The following DIO2 variants were observed in gnomAD, a reference collection of about 807,000 sequenced individuals.
DIO2 encodes type II iodothyronine deiodinase.
Under a neutral mutation model 21.4 loss-of-function variants are expected in DIO2, and 19 were observed. The ratio of observed to expected loss-of-function variants is 0.89; its 90% confidence interval spans 0.62 to 1.30. DIO2 has a LOEUF of 1.30. Ranked by LOEUF, DIO2 falls within the 50% of genes most tolerant of loss-of-function variation. DIO2 has a pLI of 0.00. For missense variants in DIO2, 302 were observed against 338.1 expected, an observed-to-expected ratio of 0.89 and a Z score of 0.84; for synonymous variants, 122 against 132.9, an observed-to-expected ratio of 0.92 and a Z score of 0.57.
chr14:80,217,697 G>A (rs1050894355), intron 2 of DIO2, among the ~76,000 whole-genome samples: 1 of 152,054 alleles, frequency 6.6e-6, no homozygotes, highest in Non-Finnish European at 1.5e-5. Flanking sequence ...CTATGTCAGG[G>A]GAATTTTCTG....
At chr14:80,231,042 G>C (rs1008345299) in intron 2 of DIO2, 1 of 152,166 alleles carries the variant, frequency 6.6e-6, no homozygotes, top group East Asian at 1.9e-4. Context: ...AGGCTGGGAG[G>C]CTAGACCAGT....
chr14:80,228,084 C>T (rs1888611491), intron 2 of DIO2, among the ~76,000 whole-genome samples: 1 of 152,232 alleles, frequency 6.6e-6, no homozygotes, highest in Non-Finnish European at 1.5e-5. Context: ...TTCTTGCTCA[C>T]TGGATCCAAT....
At chr14:80,224,677 G>C (rs1888536345) in intron 2 of DIO2, among the ~76,000 whole-genome samples, 1 of 152,098 alleles carries the variant, frequency 6.6e-6, no homozygotes, top group South Asian at 2.1e-4. Context: ...TTGATAATCT[G>C]TTATAGCAGC....
At chr14:80,223,940 C>T (rs1419182387) in intron 2 of DIO2, among the ~76,000 whole-genome samples, 1 of 152,246 alleles carries the variant, frequency 6.6e-6, no homozygotes, top group East Asian at 1.9e-4. Flanking sequence ...AAGGAAATAC[C>T]GATTATATCA....
In DIO2 at chr14:80,211,443, G is replaced by T; in HGVS notation, c.30C>A (p.Ile10=). Residue 10 remains isoleucine (I), a synonymous_variant, in exon 1 of 2, where the codon ATC becomes ATA. Coordinates refer to ENST00000438257, the MANE Select transcript of DIO2 (RefSeq NM_013989.5). ...AAAAAACTGGCAGAATTTGCAGTGT[G>T]ATCAGCAAGTCTACGCTGAGGATGC... MGILSVDLL[I]TLQILPVFFS... The T allele has an allele frequency of 6.2e-7, 1 of 1,611,738 alleles. No homozygotes were observed. The highest frequency in any genetic ancestry group is 8.5e-7 in the Non-Finnish European group (1 of 1,179,168).
chr14:80,205,226 G>T (rs1887901762), intron 1 of DIO2, among the ~76,000 whole-genome samples: 1 of 151,996 alleles, frequency 6.6e-6, no homozygotes, highest in African/African-American at 2.4e-5. Flanking sequence ...TAGGTAGTGG[G>T]TAGCAGTCTC....
Position 80,200,629 on chromosome 14 carries a change from A to G in DIO2, c.*2060T>C, listed in dbSNP as rs1036938916. The G allele has an allele frequency of 1.3e-5, 2 of 152,200 alleles. No homozygotes were observed. The highest frequency in any genetic ancestry group is 4.8e-5 in the African/African-American group (2 of 41,448). The allele number at this position is 152,200 out of a possible 1,614,324, so 9.4% of individuals were successfully genotyped here. A position where few individuals can be genotyped will look rare whatever the true frequency, so the allele number is the denominator to read the frequency against. Reference sequence around the variant, plus strand: ...GAATGTAGAAGTTAACAACTGAGGAATCTGAAATAATTATTCTCAATATGA... The same window carrying G: ...GAATGTAGAAGTTAACAACTGAGGAGTCTGAAATAATTATTCTCAATATGA... On this transcript the variant is annotated 3_prime_UTR_variant, in exon 2 of 2. Coordinates refer to ENST00000438257, the MANE Select transcript of DIO2 (RefSeq NM_013989.5).
chr14:80,208,295 C>T (rs945195625), intron 1 of DIO2, among the ~76,000 whole-genome samples: 20 of 152,156 alleles, frequency 1.3e-4, no homozygotes, highest in Non-Finnish European at 1.0e-4. Context: ...CAGAATCCAT[C>T]TCTTACTAAA....
intron 2 of DIO2, among the ~76,000 whole-genome samples, chr14:80,228,512 T>A (rs1888622938): frequency 6.6e-6 from 1 of 152,190 alleles, no homozygotes; most frequent in Non-Finnish European, 1.5e-5. Context: ...CCCCTGCATC[T>A]TTCAAGCCCT....
rs1214496624 is a variant in DIO2 at position 80,200,228 on chromosome 14, C to T, written c.*2461G>A. The T allele has an allele frequency of 6.6e-6, 1 of 152,606 alleles. No individual in the cohort carries two copies. The highest frequency in any genetic ancestry group is 1.5e-5 in the Non-Finnish European group (1 of 68,044). The allele number at this position is 152,606 out of a possible 1,614,324, so 9.5% of individuals were successfully genotyped here. A position where few individuals can be genotyped will look rare whatever the true frequency, so the allele number is the denominator to read the frequency against. ...TTTCTTCCAGAAATTCTTGCATGTT[C>T]TATTGAACATCTTCCTCCCTGATAG... On this transcript the variant is annotated 3_prime_UTR_variant, in exon 2 of 2. Transcript: ENST00000438257.
chr14:80,215,412 G>A (rs1019138006), upstream of DIO2, among the ~76,000 whole-genome samples: 1 of 152,104 alleles, frequency 6.6e-6, no homozygotes, highest in Admixed American at 6.6e-5. Flanking sequence ...AGAAAATAAA[G>A]TTGGATAATC....
chr14:80,214,808 C>T (rs1888313522), upstream of DIO2, among the ~76,000 whole-genome samples: 1 of 152,180 alleles, frequency 6.6e-6, no homozygotes, highest in South Asian at 2.1e-4. Context: ...CAGAGTATGA[C>T]TTTTCCCATC....
At chr14:80,215,022 A>C (rs1002276605), upstream of DIO2, among the ~76,000 whole-genome samples, 1 of 152,206 alleles carries the variant, frequency 6.6e-6, no homozygotes, top group Non-Finnish European at 1.5e-5. Context: ...AGGACTTCAC[A>C]TCTGTTTAAG....
chr14:80,202,777 C>A lies in DIO2; in HGVS notation c.734G>T (p.Gly245Val). The A allele has an allele frequency of 6.2e-7, 1 of 1,613,942 alleles. No homozygotes were observed. The highest frequency in any genetic ancestry group is 8.5e-7 in the Non-Finnish European group (1 of 1,179,874). The change falls in exon 2 of 2, where the codon GGC becomes GTC. Residue 245 changes from glycine (G) to valine (V), a missense_variant. Coordinates refer to ENST00000438257, the MANE Select transcript of DIO2 (RefSeq NM_013989.5). ...TTCTTGAAGGTTGTAGGAGAAGGGG[C>A]CCTTTCCTCCCAGATAAGCAATTTT... ...RQKIAYLGGK[G>V]PFSYNLQEVR...
chr14:80,198,447 T>TG lies in DIO2; in HGVS notation c.*4241_*4242insC, dbSNP rs1170577632. On this transcript the variant is annotated 3_prime_UTR_variant, in exon 2 of 2. Coordinates refer to ENST00000438257, the MANE Select transcript of DIO2 (RefSeq NM_013989.5). ...AATGTTTTGCTCATCCTAAAGTCAC[T>TG]CAATGACTTGCAGCAGCCTTCAGCC... is the stretch of plus-strand genomic sequence containing the variant. 5 of 152,656 alleles carry TG rather than the reference T, an allele frequency of 3.3e-5. No homozygotes were observed. Among genetic ancestry groups the TG allele is most frequent in the South Asian group, 2.1e-4 (1 of 4,832 alleles). 9.5% of individuals were successfully genotyped at this position (152,656 alleles called of 1,614,324 possible). A position where few individuals can be genotyped will look rare whatever the true frequency, so the allele number is the denominator to read the frequency against.
At chr14:80,228,043 G>A (rs1053135662) in intron 2 of DIO2, among the ~76,000 whole-genome samples, 4 of 152,212 alleles carry the variant, frequency 2.6e-5, no homozygotes, top group African/African-American at 7.2e-5. Context: ...ACACACAAAT[G>A]TCTCACCAAT....
rs537769245 is a variant in DIO2 at position 80,202,108 on chromosome 14, A to G, written c.*581T>C. 1.8e-4 allele frequency: 55 copies of G among 303,898 alleles called. No individual in the cohort carries two copies. Among genetic ancestry groups the G allele is most frequent in the Non-Finnish European group, 3.2e-4 (49 of 154,910 alleles). The allele number at this position is 303,898 out of a possible 1,614,324, so 18.8% of individuals were successfully genotyped here. A position where few individuals can be genotyped will look rare whatever the true frequency, so the allele number is the denominator to read the frequency against. On this transcript the variant is annotated 3_prime_UTR_variant, in exon 2 of 2. Transcript: ENST00000438257. ...GATCATTCTCGGTATCTACAAATAT[A>G]CCAATAATTTCTGGGGTATGAAGAC...
At chr14:80,219,512 T>C (rs1180352286) in intron 2 of DIO2, 1 of 151,876 alleles carries the variant, frequency 6.6e-6, no homozygotes, top group Admixed American at 6.6e-5. Context: ...GTCATTTTTT[T>C]TTTTTTTTTT....
rs532124990 is a variant in DIO2 at position 80,200,878 on chromosome 14, T to A, written c.*1811A>T. 1 of 152,302 alleles carries A rather than the reference T, an allele frequency of 6.6e-6. No individual in the cohort carries two copies. Among genetic ancestry groups the A allele is most frequent in the African/African-American group, 2.4e-5 (1 of 41,578 alleles). 9.4% of individuals were successfully genotyped at this position (152,302 alleles called of 1,614,324 possible). On this transcript the variant is annotated 3_prime_UTR_variant, in exon 2 of 2. Coordinates refer to ENST00000438257, the MANE Select transcript of DIO2 (RefSeq NM_013989.5). ...CTTGCACACCTAGTTCTCACTCTTTTCTCAATTCAGACAACTAGTTTAAGA... is the reference window on the plus strand; with the variant it reads ...CTTGCACACCTAGTTCTCACTCTTTACTCAATTCAGACAACTAGTTTAAGA...
Sources: gnomAD v4.1 joint callset for allele counts (sites outside exome capture counted in the v4.1 genomes callset) on GRCh38, gnomAD v4.1.1 for gene constraint, MANE v1.5 for transcripts, NCBI Gene and HGNC (gene_info 2026-07-23, HGNC 2026-07-21) for gene names.